SETD2: variants seen among roughly 807,000 people sequenced by gnomAD.
SETD2 encodes the protein histone-lysine N-methyltransferase SETD2.
In SETD2, 31 loss-of-function variants were observed where a neutral mutation model predicts 242.1. That is an observed-to-expected ratio of 0.13 (90% confidence interval 0.10 to 0.17). SETD2 has a LOEUF of 0.17. Among genes scored for constraint, SETD2 ranks in the 10% least tolerant of loss-of-function variants. The pLI is 1.00. For missense variants in SETD2, 2,481 were observed against 3,046.3 expected (o/e 0.81, Z 4.37); for synonymous variants, 1,006 against 1,066.5 (o/e 0.94, Z 1.11).
At chr3:47,118,447 C>T (rs111675602) in intron 3 of SETD2, among the ~76,000 whole-genome samples, 6,881 of 152,042 alleles carry the variant, frequency 0.045, 227 homozygotes, top group Non-Finnish European at 0.067. Flanking sequence ...ATAGGCCAGG[C>T]GTGGTAGCTC....
At chr3:47,070,210 G>A (rs374708936) in intron 12 of SETD2, among the ~76,000 whole-genome samples, 12 of 152,262 alleles carry the variant, frequency 7.9e-5, no homozygotes, top group African/African-American at 2.2e-4. Context: ...TCTTAGTTAC[G>A]TTCAAAAGTT....
intron 12 of SETD2, among the ~76,000 whole-genome samples, chr3:47,078,102 G>A (rs2041170822): frequency 6.6e-6 from 1 of 152,104 alleles, no homozygotes; most frequent in Non-Finnish European, 1.5e-5. Flanking sequence ...GCAAATCACT[G>A]GATGCTAAAT....
intron 15 of SETD2, among the ~76,000 whole-genome samples, chr3:47,056,099 TTTATTTA>T (rs2040066927): frequency 2.4e-5 from 1 of 41,968 alleles, no homozygotes. Context: ...ATGATTTTTA[TTTATTTA>T]TTTATTTATT....
intron 18 of SETD2, among the ~76,000 whole-genome samples, chr3:47,022,195 A>T (rs1159521926): frequency 5.7e-5 from 6 of 105,864 alleles, no homozygotes; most frequent in African/African-American, 1.8e-4. Context: ...ACAATCTGTC[A>T]CACACACACA....
intron 1 of SETD2, chr3:47,145,406 T>C: frequency 3.7e-6 from 1 of 273,562 alleles, no homozygotes; most frequent in South Asian, 3.4e-5. Flanking sequence ...TTTTTGTTTT[T>C]AAGAGACGGG....
intron 16 of SETD2, among the ~76,000 whole-genome samples, chr3:47,043,035 TAAA>T (rs745775506): frequency 7.5e-6 from 1 of 132,922 alleles, no homozygotes; most frequent in Non-Finnish European, 1.6e-5. Context: ...TCTTTATCTT[TAAA>T]AAAAAAAAAA....
intron 15 of SETD2, among the ~76,000 whole-genome samples, chr3:47,056,489 A>G (rs183168546): frequency 6.6e-6 from 1 of 152,212 alleles, no homozygotes; most frequent in East Asian, 1.9e-4. Flanking sequence ...CTTGGGAGAA[A>G]TGGAGGCCTG....
In SETD2 at chr3:47,062,022, A is replaced by G. The variant is rs866272830; in HGVS notation, c.6293+141T>C. The G allele has an allele frequency of 8.2e-5, 56 of 680,352 alleles. 1 individual carries two copies. In the South Asian group the frequency reaches 1.1e-3, roughly 14 times the overall value. 42.1% of individuals were successfully genotyped at this position (680,352 alleles called of 1,614,324 possible). On this transcript the variant is annotated intron_variant, in intron 14 of 20. Coordinates refer to ENST00000409792, the MANE Select transcript of SETD2 (RefSeq NM_014159.7). ...GAGAATCTGTCTTAAGATTATCAGTAAAGTTGTATACTCACTCATCAAAAT... is the reference window on the plus strand; with the variant it reads ...GAGAATCTGTCTTAAGATTATCAGTGAAGTTGTATACTCACTCATCAAAAT...
chr3:47,038,361 C>T (rs1043026259), intron 17 of SETD2, among the ~76,000 whole-genome samples: 1 of 152,164 alleles, frequency 6.6e-6, no homozygotes, highest in Non-Finnish European at 1.5e-5. Context: ...TGCCTGTACT[C>T]CCAGCACTTT....
intron 1 of SETD2, among the ~76,000 whole-genome samples, chr3:47,146,042 A>AAAG (rs2043843703): frequency 1.7e-4 from 25 of 150,196 alleles, no homozygotes; most frequent in East Asian, 3.9e-4. Context: ...AAAAAAAAAA[A>AAAG]GCTATACAGC....
chr3:47,036,244 T>C (rs1188010424), intron 18 of SETD2, among the ~76,000 whole-genome samples: 2 of 152,120 alleles, frequency 1.3e-5, no homozygotes, highest in African/African-American at 4.8e-5. Flanking sequence ...AAAAATATGA[T>C]ATCTGATTTC....
At position 47,056,950 on chromosome 3, in the gene SETD2, C is replaced by A; in HGVS notation, c.6834G>T (p.Gln2278His). ...QNYSVWDSNQ[Q>H]SVSVQQQYSP... is the part of the protein sequence containing the mutation. The stretch of plus-strand genomic sequence containing the variant: ...AGTACTGCTGCTGTACACTGACAGA[C>A]TGTTGGTTTGAATCCCAAACACTAT... The change falls in exon 15 of 21, where the codon CAG becomes CAT. Residue 2278 changes from glutamine to histidine, a missense_variant. Gln to His is a conservative substitution (Grantham distance 24, BLOSUM62 0). Around this residue, in one of 17 missense-constraint regions of SETD2, gnomAD observed 235 missense variants for 293.9 expected, o/e 0.80. Coordinates refer to ENST00000409792, the MANE Select transcript of SETD2 (RefSeq NM_014159.7). 1 of 1,614,266 alleles carries A rather than the reference C, an allele frequency of 6.2e-7. No individual in the cohort carries two copies. The highest frequency in any genetic ancestry group is 8.5e-7 in the Non-Finnish European group (1 of 1,180,052).
chr3:47,095,412 G>A (rs1358283386), intron 9 of SETD2, among the ~76,000 whole-genome samples: 1 of 152,210 alleles, frequency 6.6e-6, no homozygotes, highest in Non-Finnish European at 1.5e-5. Flanking sequence ...GAGATTACAG[G>A]CGTGAGCCAC....
At chr3:47,049,875 G>T (rs9810327) in intron 15 of SETD2, among the ~76,000 whole-genome samples, 1 of 138,026 alleles carries the variant, frequency 7.2e-6, no homozygotes, top group African/African-American at 2.7e-5. Context: ...TTTATTCTGA[G>T]TTTATAGTAT....
intron 9 of SETD2, among the ~76,000 whole-genome samples, chr3:47,093,603 ATT>A (rs2041891281): frequency 1.3e-5 from 2 of 152,072 alleles, no homozygotes; most frequent in Non-Finnish European, 2.9e-5. Context: ...GTTAATAAAT[ATT>A]TGAGTTATTT....
chr3:47,123,021 A>C lies in SETD2; in HGVS notation c.1615T>G (p.Phe539Val), dbSNP rs767907420. 1 of 1,614,140 alleles carries C rather than the reference A, an allele frequency of 6.2e-7. No individual in the cohort carries two copies. Among genetic ancestry groups the C allele is most frequent in the South Asian group, 1.1e-5 (1 of 91,082 alleles). The stretch of plus-strand genomic sequence containing the variant: ...TTAGAATATGATGACCCTCGTCGGA[A>C]TCCCAGTTCATTAGGGGGAGAACAA... Reference protein sequence around the residue: ...RCCSPPNELGFRRGSSYSKHD... With the variant: ...RCCSPPNELGVRRGSSYSKHD... Residue 539 changes from phenylalanine to valine, a missense_variant, in exon 3 of 21, where the codon TTC becomes GTC. Around this residue, in one of 17 missense-constraint regions of SETD2, gnomAD observed 1,300 missense variants for 1,259.2 expected, o/e 1.03. Transcript: ENST00000409792.
intron 4 of SETD2, among the ~76,000 whole-genome samples, chr3:47,114,904 C>T (rs2042798991): frequency 2.0e-5 from 3 of 148,018 alleles, no homozygotes. Context: ...AAAAAGACCA[C>T]TGGAAATTAC....
chr3:47,087,611 T>C (rs1024046864), intron 10 of SETD2, among the ~76,000 whole-genome samples: 1 of 152,162 alleles, frequency 6.6e-6, no homozygotes, highest in Non-Finnish European at 1.5e-5. Context: ...CTGAACTCTT[T>C]AGCCATTTTA....
intron 18 of SETD2, among the ~76,000 whole-genome samples, chr3:47,032,181 C>T (rs2107519083): frequency 1.3e-5 from 2 of 152,212 alleles, no homozygotes; most frequent in Middle Eastern, 3.4e-3. Flanking sequence ...GGTCCCCACA[C>T]CAAACTTTGA....
Sources: gnomAD v4.1 joint callset for allele counts (sites outside exome capture counted in the v4.1 genomes callset) on GRCh38, gnomAD v4.1.1 for gene constraint, gnomAD v4.1.1 regional missense constraint, MANE v1.5 for transcripts, NCBI Gene and HGNC (gene_info 2026-07-23, HGNC 2026-07-21) for gene names.